BCO1: variants seen among roughly 807,000 people sequenced by gnomAD.
BCO1 encodes beta,beta-carotene 15,15'-dioxygenase.
A neutral mutation model predicts 56.3 loss-of-function variants in BCO1; 54 were observed. The observed-to-expected ratio is 0.96, with a 90% CI of 0.77 to 1.20. The LOEUF (loss-of-function observed/expected upper bound fraction) is 1.20. Ranked by LOEUF, BCO1 falls within the 50% of genes most tolerant of loss-of-function variation. The pLI, the probability that BCO1 is intolerant of heterozygous loss-of-function variation, is 0.00. For missense variants in BCO1, 801 were observed against 690.9 expected (o/e 1.16, Z -1.79); for synonymous variants, 318 against 266.1 (o/e 1.20, Z -1.90).
intron 1 of BCO1, among the ~76,000 whole-genome samples, chr16:81,242,095 C>T (rs188547003): frequency 5.7e-4 from 86 of 151,968 alleles, no homozygotes; most frequent in African/African-American, 2.0e-3. Context: ...ATGCCTCTCT[C>T]CCTGCTCTTT....
In BCO1 at chr16:81,285,541, C is replaced by G. The variant is rs1446515697; in HGVS notation, c.1209C>G (p.Gly403=). ...ATCCACCTCCTCATTTCCTTGTAGG[C>G]TTAGAGCTTCCACGGGTCAATTATG... ...VYCQPEFLYE[G]LELPRVNYAH... Residue 403 remains glycine, a splice_region_variant and synonymous_variant, in exon 9 of 11, where the codon GGC becomes GGG. Transcript: ENST00000258168. The G allele has an allele frequency of 6.2e-7, 1 of 1,610,876 alleles. No individual in the cohort carries two copies. The highest frequency in any genetic ancestry group is 1.7e-5 in the Admixed American group (1 of 60,018).
In BCO1 at chr16:81,246,275, A is replaced by G. The variant is rs116956298; in HGVS notation, c.193+672A>G. Among the ~76,000 whole-genome samples, 60 of 152,112 alleles carry G rather than the reference A, an allele frequency of 3.9e-4. No individual in the cohort carries two copies. The East Asian group carries it at 0.011, about 28-fold the overall frequency. Reference sequence around the variant, plus strand: ...TGATTACATTGAATCCACTCAGATAATCCCTAGATAATCTCCCATCTCAAA... The same window carrying G: ...TGATTACATTGAATCCACTCAGATAGTCCCTAGATAATCTCCCATCTCAAA... On this transcript the variant is annotated intron_variant, in intron 2 of 10. Coordinates refer to ENST00000258168, the MANE Select transcript of BCO1 (RefSeq NM_017429.3).
At chr16:81,267,848 G>C in intron 5 of BCO1, 60 bp from the exon 6 acceptor site, 1 of 1,427,024 alleles carries the variant, frequency 7.0e-7, no homozygotes, top group Non-Finnish European at 9.9e-7. Context: ...ATGGTGGTGT[G>C]GTCTTGGGGG....
intron 10 of BCO1, among the ~76,000 whole-genome samples, chr16:81,288,099 G>A (rs76459433): frequency 0.018 from 2,735 of 152,202 alleles, 40 homozygotes; most frequent in Non-Finnish European, 0.028. Context: ...GACATTCGAC[G>A]GGTATAGAGG....
In BCO1 at chr16:81,287,224, C is replaced by A. The variant is rs190779188; in HGVS notation, c.1303-71C>A. 1.2e-5 allele frequency: 13 copies of A among 1,127,462 alleles called. No individual in the cohort carries two copies. The Admixed American group carries it at 1.7e-4, about 15-fold the overall frequency. 69.8% of individuals were successfully genotyped at this position (1,127,462 alleles called of 1,614,324 possible). A position where few individuals can be genotyped will look rare whatever the true frequency, so the allele number is the denominator to read the frequency against. On this transcript the variant is annotated intron_variant, in intron 9 of 10. Transcript: ENST00000258168. ...CATCTCCTCTGTGTGGATCTTCATGCACTCCTATTTGCAGAGAATAGTATT... is the reference window on the plus strand; with the variant it reads ...CATCTCCTCTGTGTGGATCTTCATGAACTCCTATTTGCAGAGAATAGTATT...
chr16:81,238,842 C>A lies in BCO1; in HGVS notation c.-67C>A. The A allele has an allele frequency of 1.5e-6, 2 of 1,368,054 alleles. No homozygotes were observed. The highest frequency in any genetic ancestry group is 2.1e-6 in the Non-Finnish European group (2 of 956,196). The allele number at this position is 1,368,054 out of a possible 1,614,324, so 84.7% of individuals were successfully genotyped here. A position where few individuals can be genotyped will look rare whatever the true frequency, so the allele number is the denominator to read the frequency against. ...AAGGAAACGCAGGAGGAGGGAGCAG[C>A]ATCTCCTGTGAACACAGAGGAGCAC... On this transcript the variant is annotated 5_prime_UTR_variant, in exon 1 of 11. Coordinates refer to ENST00000258168, the MANE Select transcript of BCO1 (RefSeq NM_017429.3).
intron 7 of BCO1, among the ~76,000 whole-genome samples, 175 bp downstream of exon 7, chr16:81,270,591 A>AGCTCCACCTCCCAGGCTCACGCC (rs1907133817): frequency 6.6e-6 from 1 of 151,932 alleles, no homozygotes; most frequent in Non-Finnish European, 1.5e-5. Flanking sequence ...AACTTTAGAA[A>AGCTCCACCTCCCAGGCTCACGCC]ATATAGATAA....
At chr16:81,278,847 A>G (rs1177055583) in intron 7 of BCO1, among the ~76,000 whole-genome samples, 1 of 152,228 alleles carries the variant, frequency 6.6e-6, no homozygotes, top group Non-Finnish European at 1.5e-5. Context: ...TCTAGGCCTC[A>G]GTTACTTCTA....
intron 9 of BCO1, among the ~76,000 whole-genome samples, chr16:81,286,875 A>T (rs564180293): frequency 6.6e-6 from 1 of 151,742 alleles, no homozygotes; most frequent in East Asian, 2.0e-4. Flanking sequence ...TCAGGAGTTC[A>T]AGACCAACCT....
rs191130346 is a variant in BCO1 at position 81,277,129 on chromosome 16, C to T, written c.1102-3728C>T. On this transcript the variant is annotated intron_variant, in intron 7 of 10. Coordinates refer to ENST00000258168, the MANE Select transcript of BCO1 (RefSeq NM_017429.3). ...AATTTAAATCGCAACATATGGCTAG[C>T]GATTGCCGTTTGGGACAGCCTGTTC... Among the ~76,000 whole-genome samples, 604 of 150,892 alleles carry T rather than the reference C, an allele frequency of 4.0e-3. 1 individual carries two copies. Among genetic ancestry groups the T allele is most frequent in the Middle Eastern group, 0.011 (3 of 284 alleles).
chr16:81,271,711 G>C (rs1480065777), intron 7 of BCO1, among the ~76,000 whole-genome samples: 1 of 152,126 alleles, frequency 6.6e-6, no homozygotes. Flanking sequence ...GTTGTAGTCC[G>C]TATAAGTGCT....
intron 2 of BCO1, among the ~76,000 whole-genome samples, chr16:81,258,073 C>T (rs1906257628): frequency 6.6e-6 from 1 of 152,046 alleles, no homozygotes; most frequent in Admixed American, 6.6e-5. Context: ...CCAGGGAAGG[C>T]AGCAGCTTCT....
rs1437111775 is a variant in BCO1 at position 81,284,224 on chromosome 16, ATATATTTT to A, written c.1208-1310_1208-1303del. 1.9e-3 allele frequency among the ~76,000 whole-genome samples: 250 copies of A among 133,960 alleles called. 1 individual carries two copies. The highest frequency in any genetic ancestry group is 5.7e-3 in the African/African-American group (208 of 36,270). 87.9% of individuals were successfully genotyped at this position (133,960 alleles called of 152,430 possible). ...ACAACAACAAACAAACTATATATAT[ATATATTTT>A]TATATATTTATATATTTATATATAA... On this transcript the variant is annotated intron_variant, in intron 8 of 10. Transcript: ENST00000258168.
intron 2 of BCO1, among the ~76,000 whole-genome samples, chr16:81,245,846 TGTC>T (rs1218488010): frequency 7.8e-6 from 1 of 127,444 alleles, no homozygotes; most frequent in Non-Finnish European, 1.6e-5. Flanking sequence ...GCTCCATCTC[TGTC>T]TTTTTTTTTT....
chr16:81,290,313 CT>C, intron 10 of BCO1, 34 bp from the exon 11 acceptor site: 1 of 1,566,116 alleles, frequency 6.4e-7, no homozygotes, highest in Non-Finnish European at 8.8e-7. Flanking sequence ...GAAGCCTGCA[CT>C]TTTACGAAGT....
intron 7 of BCO1, among the ~76,000 whole-genome samples, chr16:81,274,468 A>G (rs1283640525): frequency 1.3e-5 from 2 of 151,976 alleles, no homozygotes; most frequent in Non-Finnish European, 2.9e-5. Context: ...GTTTCACCGT[A>G]TTAGCCAGGA....
chr16:81,288,189 C>T (rs548988533), intron 10 of BCO1, among the ~76,000 whole-genome samples: 80 of 146,986 alleles, frequency 5.4e-4, no homozygotes, highest in Middle Eastern at 3.5e-3. Flanking sequence ...AGTCCATCTC[C>T]TTTCCACTCA....
chr16:81,270,417 G>C lies in BCO1; in HGVS notation c.1101+1G>C, dbSNP rs1018405817. On this transcript the variant is annotated splice_donor_variant, in intron 7 of 10. Transcript: ENST00000258168. LOFTEE classifies it high-confidence loss of function. ...TGCCGTGCCCCTCCACGTGGACAAGGTAATGGCTTCCAAGGAGGTCCCTTT... is the reference window on the plus strand; with the variant it reads ...TGCCGTGCCCCTCCACGTGGACAAGCTAATGGCTTCCAAGGAGGTCCCTTT... The C allele has an allele frequency of 6.2e-7, 1 of 1,613,986 alleles. No individual in the cohort carries two copies. The highest frequency in any genetic ancestry group is 8.5e-7 in the Non-Finnish European group (1 of 1,180,016).
chr16:81,240,289 A>G (rs968692765), intron 1 of BCO1, among the ~76,000 whole-genome samples: 1 of 152,190 alleles, frequency 6.6e-6, no homozygotes, highest in Non-Finnish European at 1.5e-5. Context: ...TTTAAAACAT[A>G]GGTAGATCAA....
Sources: gnomAD v4.1 joint callset for allele counts (sites outside exome capture counted in the v4.1 genomes callset) on GRCh38, gnomAD v4.1.1 for gene constraint, MANE v1.5 for transcripts, NCBI Gene and HGNC (gene_info 2026-07-23, HGNC 2026-07-21) for gene names.